CIMAP1D: variants seen among roughly 807,000 people sequenced by gnomAD.
CIMAP1D encodes the protein CIMAP1 family member D.
chr19:490,972 G>A, the CIMAP1D span, among the ~76,000 whole-genome samples: 5 of 152,276 alleles, frequency 3.3e-5, no homozygotes, highest in African/African-American at 7.2e-5. Flanking sequence ...GGTGGCAGGC[G>A]CCTGTAGTCC....
the CIMAP1D span, among the ~76,000 whole-genome samples, chr19:473,412 A>G: frequency 8.4e-5 from 8 of 94,720 alleles, no homozygotes; most frequent in Non-Finnish European, 1.2e-4. Context: ...CAGGTGGGGA[A>G]ACTGAGGCCC....
At chr19:465,408 TGTGTGGATTGA>T in the CIMAP1D span, among the ~76,000 whole-genome samples, 45 of 109,854 alleles carry the variant, frequency 4.1e-4, no homozygotes, top group African/African-American at 1.7e-3. Context: ...GGTGGATGGG[TGTGTGGATTGA>T]TGGGTAGGTG....
the CIMAP1D span, among the ~76,000 whole-genome samples, chr19:473,325 A>G: frequency 7.5e-5 from 2 of 26,552 alleles, no homozygotes; most frequent in Non-Finnish European, 1.3e-4. Flanking sequence ...ATGGTCACAG[A>G]TGGGGAGACT....
chr19:477,418 A>T, the CIMAP1D span, among the ~76,000 whole-genome samples: 1 of 152,028 alleles, frequency 6.6e-6, no homozygotes, highest in East Asian at 1.9e-4. Flanking sequence ...TATTAAAAAT[A>T]AAAAAATTAG....
chr19:482,830 C>T, the CIMAP1D span, among the ~76,000 whole-genome samples: 2 of 152,168 alleles, frequency 1.3e-5, no homozygotes, highest in African/African-American at 4.8e-5. Context: ...ACCCTGGCCG[C>T]CATCATACGA....
the CIMAP1D span, among the ~76,000 whole-genome samples, chr19:488,973 G>A: frequency 6.6e-6 from 1 of 152,032 alleles, no homozygotes; most frequent in Non-Finnish European, 1.5e-5. Context: ...CCCGCCCCAA[G>A]CCCGCATCAG....
At chr19:480,577 A>G in the CIMAP1D span, among the ~76,000 whole-genome samples, 1 of 144,142 alleles carries the variant, frequency 6.9e-6, no homozygotes, top group Non-Finnish European at 1.5e-5. Flanking sequence ...GAGAACGATG[A>G]TGGAGAAGGA....
the CIMAP1D span, among the ~76,000 whole-genome samples, chr19:484,884 G>T: frequency 6.6e-6 from 1 of 152,184 alleles, no homozygotes; most frequent in Admixed American, 6.5e-5. Flanking sequence ...GGAGGGCACG[G>T]CCTGAATTGG....
the CIMAP1D span, among the ~76,000 whole-genome samples, chr19:473,590 G>A: frequency 1.1e-3 from 84 of 75,084 alleles, 8 homozygotes; most frequent in African/African-American, 3.6e-3. Flanking sequence ...TGAGGCCCAG[G>A]CAGAGATACA....
chr19:491,163 G>A, the CIMAP1D span, among the ~76,000 whole-genome samples: 1 of 151,366 alleles, frequency 6.6e-6, no homozygotes, highest in Non-Finnish European at 1.5e-5. Flanking sequence ...TATAATCCCA[G>A]CTACTCAGGA....
the CIMAP1D span, chr19:472,725 C>T: frequency 9.1e-5 from 47 of 513,918 alleles, no homozygotes; most frequent in Non-Finnish European, 1.5e-4. Flanking sequence ...CAGCCCCCCT[C>T]ACCCTGGGGC....
chr19:489,513 T>G, the CIMAP1D span: 1 of 151,534 alleles, frequency 6.6e-6, no homozygotes, highest in Non-Finnish European at 1.5e-5. Flanking sequence ...CCGGACCCGC[T>G]CTCCGTCCTC....
chr19:475,294 T>G, the CIMAP1D span, among the ~76,000 whole-genome samples: 1 of 152,198 alleles, frequency 6.6e-6, no homozygotes, highest in South Asian at 2.1e-4. Flanking sequence ...AAGCATGTAC[T>G]GGGCACCTAC....
the CIMAP1D span, among the ~76,000 whole-genome samples, chr19:483,250 T>TCC: frequency 4.0e-5 from 3 of 75,400 alleles, no homozygotes; most frequent in African/African-American, 7.8e-5. Context: ...CAGGGCCCCA[T>TCC]CCCCCCCCAA....
the CIMAP1D span, chr19:490,391 T>C: frequency 4.3e-5 from 7 of 162,660 alleles, no homozygotes; most frequent in Middle Eastern, 2.8e-3. Flanking sequence ...AAAACAAAGA[T>C]GTATCTTTAT....
the CIMAP1D span, among the ~76,000 whole-genome samples, chr19:468,659 C>T: frequency 2.6e-5 from 4 of 152,246 alleles, no homozygotes; most frequent in South Asian, 2.1e-4. Flanking sequence ...ATTATTGCCA[C>T]GCCAAAGCAC....
chr19:468,081 T>A, the CIMAP1D span, among the ~76,000 whole-genome samples: 1 of 152,120 alleles, frequency 6.6e-6, no homozygotes, highest in African/African-American at 2.4e-5. Context: ...CTGGACATAA[T>A]TAGGCTGGGT....
At chr19:485,717 G>C in the CIMAP1D span, among the ~76,000 whole-genome samples, 16 of 152,204 alleles carry the variant, frequency 1.1e-4, no homozygotes, top group African/African-American at 3.9e-4. Context: ...GCAGATGAGG[G>C]TGCGACAGCT....
the CIMAP1D span, chr19:463,911 G>A: frequency 6.2e-7 from 1 of 1,611,560 alleles, no homozygotes; most frequent in South Asian, 1.1e-5. Flanking sequence ...CATGGTGCTG[G>A]CCCGTTTCGA....
Sources: allele counts gnomAD v4.1 joint callset (sites outside exome capture counted in the v4.1 genomes callset), GRCh38; gene constraint gnomAD v4.1.1; transcripts MANE v1.5; gene names NCBI Gene and HGNC (gene_info 2026-07-23, HGNC 2026-07-21).